Variants in WNK1 observed in about 807,000 individuals in gnomAD.
WNK1 encodes serine/threonine-protein kinase WNK1.
In WNK1, 38 loss-of-function variants were observed where a neutral mutation model predicts 222.8. That is an observed-to-expected ratio of 0.17 (90% confidence interval 0.13 to 0.22). WNK1 has a LOEUF of 0.22. Ranked by LOEUF, WNK1 falls within the 10% of genes least tolerant of loss-of-function variation. The pLI is 1.00. For synonymous variants in WNK1, 1,090 were observed against 1,092.9 expected (o/e 1.00, Z 0.05); for missense variants, 2,348 against 2,918.4 (o/e 0.80, Z 4.50).
intron 20 of WNK1, among the ~76,000 whole-genome samples, 183 bp from the exon 21 acceptor site, chr12:888,957 A>G (rs1425016669): frequency 6.6e-6 from 1 of 152,258 alleles, no homozygotes; most frequent in African/African-American, 2.4e-5. Flanking sequence ...TACAATCTTG[A>G]GAAACTGGCA....
chr12:865,685 G>C (rs1951606142), intron 8 of WNK1, among the ~76,000 whole-genome samples: 1 of 151,900 alleles, frequency 6.6e-6, no homozygotes, highest in Non-Finnish European at 1.5e-5. Flanking sequence ...GTTTTAAAAG[G>C]ATTAATTTTA....
intron 1 of WNK1, among the ~76,000 whole-genome samples, chr12:799,103 C>G (rs972540290): frequency 1.3e-4 from 19 of 151,982 alleles, no homozygotes; most frequent in Admixed American, 1.2e-3. Flanking sequence ...ATTTTGCAAG[C>G]TTTCATTGAA....
chr12:908,902 G>A lies in WNK1; in HGVS notation c.*110G>A. The A allele has an allele frequency of 8.1e-7, 1 of 1,230,158 alleles. No individual in the cohort carries two copies. Among genetic ancestry groups the A allele is most frequent in the Non-Finnish European group, 1.2e-6 (1 of 864,564 alleles). 76.2% of individuals were successfully genotyped at this position (1,230,158 alleles called of 1,614,324 possible). A position where few individuals can be genotyped will look rare whatever the true frequency, so the allele number is the denominator to read the frequency against. ...TAACTACTAGTGCTGCATTTAACTG[G>A]TTATTTCTTGCCAGAGGGGAATGTT... On this transcript the variant is annotated 3_prime_UTR_variant, in exon 28 of 28. Coordinates refer to ENST00000315939, the MANE Select transcript of WNK1 (RefSeq NM_018979.4).
At chr12:803,520 C>T (rs1946075757) in intron 1 of WNK1, among the ~76,000 whole-genome samples, 1 of 152,110 alleles carries the variant, frequency 6.6e-6, no homozygotes, top group Admixed American at 6.5e-5. Context: ...CAGTGGCTCA[C>T]GCCTGTAATC....
At position 842,428 on chromosome 12, in the gene WNK1, G is replaced by C. The variant is rs1272859145; in HGVS notation, c.1311+12268G>C. Among the ~76,000 whole-genome samples, 4 of 152,150 alleles carry C rather than the reference G, an allele frequency of 2.6e-5. No homozygotes were observed. The South Asian group carries it at 8.3e-4, about 31-fold the overall frequency. On this transcript the variant is annotated intron_variant, in intron 4 of 27. Transcript: ENST00000315939. ...TTCTGTAGGTTCTCAAATCTCAGTT[G>C]TAATTTCTGAACAACTAGTTTAACT...
intron 9 of WNK1, among the ~76,000 whole-genome samples, chr12:872,396 G>A (rs527859883): frequency 2.0e-5 from 3 of 152,086 alleles, no homozygotes; most frequent in Non-Finnish European, 4.4e-5. Context: ...TGATCCACCC[G>A]CTTTGGCCTC....
chr12:770,408 C>A (rs997194953), intron 1 of WNK1, among the ~76,000 whole-genome samples: 1 of 152,008 alleles, frequency 6.6e-6, no homozygotes, highest in Non-Finnish European at 1.5e-5. Flanking sequence ...CATTTGTTTT[C>A]AAAAAATTGG....
intron 4 of WNK1, among the ~76,000 whole-genome samples, chr12:848,815 T>C (rs796275139): frequency 5.3e-5 from 8 of 152,308 alleles, no homozygotes; most frequent in African/African-American, 1.9e-4. Flanking sequence ...TGTTGTAATA[T>C]ATTGAAAACT....
chr12:891,428 G>A (rs1259485653), intron 22 of WNK1, among the ~76,000 whole-genome samples: 2 of 152,128 alleles, frequency 1.3e-5, no homozygotes, highest in African/African-American at 4.8e-5. Context: ...GTGAGCCACC[G>A]CGCCTGGCTG....
rs78457754 is a variant in WNK1 at position 806,668 on chromosome 12, G to T, written c.760-6974G>T. On this transcript the variant is annotated intron_variant, in intron 1 of 27. Coordinates refer to ENST00000315939, the MANE Select transcript of WNK1 (RefSeq NM_018979.4). ...TGTGACCATGGAAATGAGATATGGG[G>T]AATCATGGAATTATAGAGATTGCCT... 1.3e-3 allele frequency among the ~76,000 whole-genome samples: 198 copies of T among 152,270 alleles called. 1 individual carries two copies. The East Asian group carries it at 0.033, about 26-fold the overall frequency.
chr12:829,678 T>C (rs998778372), intron 3 of WNK1, among the ~76,000 whole-genome samples: 5 of 152,226 alleles, frequency 3.3e-5, no homozygotes, highest in African/African-American at 1.2e-4. Flanking sequence ...TTGTTTTCAA[T>C]ATGAATTATA....
At chr12:793,284 T>A (rs1253719847) in intron 1 of WNK1, among the ~76,000 whole-genome samples, 1 of 152,162 alleles carries the variant, frequency 6.6e-6, no homozygotes, top group Non-Finnish European at 1.5e-5. Flanking sequence ...CTTAGCTGTT[T>A]TATGGAAGAA....
Position 838,111 on chromosome 12 carries a change from A to G in WNK1, c.1311+7951A>G, listed in dbSNP as rs1002615452. 3.7e-3 allele frequency among the ~76,000 whole-genome samples: 439 copies of G among 119,940 alleles called. 4 individuals are homozygous for G. Among genetic ancestry groups the G allele is most frequent in the African/African-American group, 0.015 (427 of 29,264 alleles). 78.7% of individuals were successfully genotyped at this position (119,940 alleles called of 152,430 possible). On this transcript the variant is annotated intron_variant, in intron 4 of 27. Coordinates refer to ENST00000315939, the MANE Select transcript of WNK1 (RefSeq NM_018979.4). ...TGTGTGTGTGTGTGTGTGTGTGTGT[A>G]TGTATAAACACAATTGTTTAGCCAT...
At chr12:797,827 T>G (rs931486369) in intron 1 of WNK1, among the ~76,000 whole-genome samples, 2 of 151,618 alleles carry the variant, frequency 1.3e-5, no homozygotes, top group African/African-American at 4.8e-5. Flanking sequence ...CGGGCGCCTG[T>G]AATCTCAGCT....
At chr12:902,492 A>G (rs1261591283) in intron 26 of WNK1, among the ~76,000 whole-genome samples, 2 of 152,182 alleles carry the variant, frequency 1.3e-5, no homozygotes, top group Non-Finnish European at 2.9e-5. Context: ...GGATCATTCC[A>G]CCACTACTGT....
intron 1 of WNK1, among the ~76,000 whole-genome samples, chr12:788,594 A>C (rs1007057852): frequency 1.3e-5 from 2 of 152,226 alleles, no homozygotes; most frequent in African/African-American, 4.8e-5. Context: ...ATATTTAAAA[A>C]TGAAAGTGAG....
At chr12:866,278 A>G (rs1161150234) in intron 8 of WNK1, among the ~76,000 whole-genome samples, 1 of 152,214 alleles carries the variant, frequency 6.6e-6, no homozygotes, top group Non-Finnish European at 1.5e-5. Flanking sequence ...TGCCAGCTCG[A>G]TAAGGATCTT....
At chr12:800,068 TG>T (rs1945726934) in intron 1 of WNK1, among the ~76,000 whole-genome samples, 1 of 152,138 alleles carries the variant, frequency 6.6e-6, no homozygotes, top group South Asian at 2.1e-4. Flanking sequence ...TGCTTGAGCC[TG>T]GGAGGTTAAG....
chr12:827,303 A>C lies in WNK1; in HGVS notation c.1153+41A>C. ...ACCTTGGAGCCTGACTGGCTTTCTC[A>C]CATTCCTTTTATTTAGAATCCTGGC... is the stretch of plus-strand genomic sequence containing the variant. On this transcript the variant is annotated intron_variant, in intron 3 of 27. Transcript: ENST00000315939. The surrounding 1 kb of genome is among the most constrained non-coding windows in gnomAD (Gnocchi z 4.6). 9.2e-6 allele frequency: 14 copies of C among 1,523,214 alleles called. No homozygotes were observed. The highest frequency in any genetic ancestry group is 1.2e-5 in the Non-Finnish European group (13 of 1,097,646). 94.4% of individuals were successfully genotyped at this position (1,523,214 alleles called of 1,614,324 possible).
Sources: gnomAD v4.1 joint callset for allele counts (sites outside exome capture counted in the v4.1 genomes callset) on GRCh38, gnomAD v4.1.1 for gene constraint, Gnocchi (gnomAD v3.1) non-coding constraint, MANE v1.5 for transcripts, NCBI Gene and HGNC (gene_info 2026-07-23, HGNC 2026-07-21) for gene names.